ARHGAP20: variants seen among roughly 807,000 people sequenced by gnomAD.
ARHGAP20 encodes the protein rho GTPase-activating protein 20.
In ARHGAP20, 34 loss-of-function variants were observed where a neutral mutation model predicts 73.7. That is an observed-to-expected ratio of 0.46 (90% CI 0.35 to 0.61). The LOEUF (loss-of-function observed/expected upper bound fraction) is 0.61. Among genes scored for constraint, ARHGAP20 ranks in the 20% least tolerant of loss-of-function variants. The probability of loss-of-function intolerance (pLI) is 0.00; values close to 1 mark genes in which losing one functional copy is unlikely to be tolerated. For synonymous variants in ARHGAP20, 523 were observed against 518.2 expected, an observed-to-expected ratio of 1.01 and a Z score of -0.13; for missense variants, 1,314 against 1,420.9, an observed-to-expected ratio of 0.92 and a Z score of 1.21.
Position 110,712,322 on chromosome 11 carries a change from G to T in ARHGAP20, c.-91C>A. ...GCCGGAGGGGCGAGGACGCGCGGGC[G>T]GAGGCGCGGCTGCCGTGCTCAGGCA... is the stretch of plus-strand genomic sequence containing the variant. On this transcript the variant is annotated 5_prime_UTR_variant, in exon 1 of 15. Coordinates refer to ENST00000683387, the MANE Select transcript of ARHGAP20 (RefSeq NM_001384657.1). 2 of 1,110,706 alleles carry T rather than the reference G, an allele frequency of 1.8e-6. No individual in the cohort carries two copies. Among genetic ancestry groups the T allele is most frequent in the Non-Finnish European group, 2.3e-6 (2 of 863,796 alleles). The allele number at this position is 1,110,706 out of a possible 1,614,324, so 68.8% of individuals were successfully genotyped here.
intron 9 of ARHGAP20, among the ~76,000 whole-genome samples, chr11:110,598,694 G>A (rs1177355607): frequency 6.6e-6 from 1 of 152,174 alleles, no homozygotes; most frequent in African/African-American, 2.4e-5. Flanking sequence ...AGTGGCTGCT[G>A]CCATCACACT....
Position 110,592,146 on chromosome 11 carries a change from T to C in ARHGAP20, c.974A>G (p.His325Arg). Residue 325 changes from histidine to arginine, a missense_variant, in exon 10 of 15, where the codon CAT (histidine) becomes CGT (arginine). Physicochemically the swap from His to Arg is conservative, Grantham distance 29. Around this residue, in one of 3 missense-constraint regions of ARHGAP20, gnomAD observed 443 missense variants for 466.4 expected, o/e 0.95. Transcript: ENST00000683387. ...AGATCTTCTCCTTTTAAATGTCTTA[T>C]GACCTGAATCTAAGGAAGAAGTGAG... Reference protein sequence around the residue: ...AAAQQLSDSGHKTFKRRRSII... With the variant: ...AAAQQLSDSGRKTFKRRRSII... The C allele has an allele frequency of 6.2e-7, 1 of 1,612,864 alleles. No homozygotes were observed. The highest frequency in any genetic ancestry group is 1.7e-5 in the Admixed American group (1 of 59,982).
At chr11:110,609,123 T>A in intron 7 of ARHGAP20, 73 bp from the exon 8 acceptor site, 2 of 1,446,472 alleles carry the variant, frequency 1.4e-6, no homozygotes, top group South Asian at 2.4e-5. Flanking sequence ...ACATTTTTTT[T>A]TTTTGGTTAT....
At chr11:110,708,713 T>C (rs1950593676) in intron 1 of ARHGAP20, among the ~76,000 whole-genome samples, 3 of 152,280 alleles carry the variant, frequency 2.0e-5, no homozygotes, top group South Asian at 2.1e-4. Flanking sequence ...AGATTAGTGG[T>C]TGCCTGGGAA....
At chr11:110,677,881 C>A (rs878969770) in intron 2 of ARHGAP20, among the ~76,000 whole-genome samples, 6 of 152,102 alleles carry the variant, frequency 3.9e-5, no homozygotes, top group Non-Finnish European at 8.8e-5. Context: ...CTAGTATATA[C>A]CCAAGAGGAA....
intron 9 of ARHGAP20, among the ~76,000 whole-genome samples, chr11:110,596,625 G>A (rs1435830463): frequency 2.6e-5 from 4 of 152,106 alleles, no homozygotes; most frequent in African/African-American, 9.7e-5. Context: ...GGTGATCATT[G>A]AAAAGTCAGG....
chr11:110,584,844 CAT>C (rs142469054), intron 12 of ARHGAP20, among the ~76,000 whole-genome samples: 6 of 149,102 alleles, frequency 4.0e-5, no homozygotes, highest in African/African-American at 1.2e-4. Context: ...ATTTCTGATT[CAT>C]ATATATATAT....
At chr11:110,610,269 A>G (rs1446619801) in intron 7 of ARHGAP20, among the ~76,000 whole-genome samples, 1 of 151,552 alleles carries the variant, frequency 6.6e-6, no homozygotes, top group African/African-American at 2.4e-5. Flanking sequence ...CGTGAGTTCT[A>G]AAGGGCTTAC....
chr11:110,670,410 A>T lies in ARHGAP20; in HGVS notation c.188+20137T>A, dbSNP rs140347979. On this transcript the variant is annotated intron_variant, in intron 2 of 14. Coordinates refer to ENST00000683387, the MANE Select transcript of ARHGAP20 (RefSeq NM_001384657.1). The stretch of plus-strand genomic sequence containing the variant: ...AAAGAAGGAACATTATAGCTCCTAC[A>T]CACATTAAAAACATAATTAAAATAT... 2.2e-3 allele frequency among the ~76,000 whole-genome samples: 333 copies of T among 152,174 alleles called. 1 individual carries two copies. The highest frequency in any genetic ancestry group is 5.4e-3 in the Admixed American group (82 of 15,290).
chr11:110,689,741 G>A (rs775280878), intron 2 of ARHGAP20, among the ~76,000 whole-genome samples: 39 of 147,616 alleles, frequency 2.6e-4, no homozygotes, highest in Non-Finnish European at 4.9e-4. Flanking sequence ...AGCTGGCACC[G>A]GGGAAAGGCG....
chr11:110,691,605 G>A (rs1179232558), intron 1 of ARHGAP20, among the ~76,000 whole-genome samples: 2 of 152,186 alleles, frequency 1.3e-5, no homozygotes, highest in Admixed American at 6.5e-5. Context: ...GGAATTGCTT[G>A]TAGTTTTTAA....
intron 1 of ARHGAP20, among the ~76,000 whole-genome samples, chr11:110,705,657 TTA>T (rs1950540317): frequency 6.6e-6 from 1 of 152,170 alleles, no homozygotes; most frequent in Non-Finnish European, 1.5e-5. Context: ...TAATCACATT[TTA>T]AGTGAGCATA....
chr11:110,580,572 G>A lies in ARHGAP20; in HGVS notation c.2374C>T (p.Leu792Phe). The A allele has an allele frequency of 6.2e-7, 1 of 1,614,200 alleles. No homozygotes were observed. The highest frequency in any genetic ancestry group is 8.5e-7 in the Non-Finnish European group (1 of 1,180,032). The change falls in exon 15 of 15, where the codon CTT becomes TTT. Residue 792 changes from leucine to phenylalanine, a missense_variant. Around this residue, in one of 3 missense-constraint regions of ARHGAP20, gnomAD observed 641 missense variants for 636.9 expected, o/e 1.01. Transcript: ENST00000683387. ...LSGSEGNHVK[L>F]FPKSKPVAIS... is the part of the protein sequence containing the mutation. ...GCCACTGGCTTAGACTTAGGGAAAAGTTTCACGTGATTTCCTTCACTACCA... is the reference window on the plus strand; with the variant it reads ...GCCACTGGCTTAGACTTAGGGAAAAATTTCACGTGATTTCCTTCACTACCA...
chr11:110,616,028 G>A (rs1948475110), intron 4 of ARHGAP20, among the ~76,000 whole-genome samples: 2 of 151,882 alleles, frequency 1.3e-5, no homozygotes, highest in African/African-American at 2.4e-5. Flanking sequence ...TAGTATTTTC[G>A]TAGCTCACAC....
At chr11:110,615,717 A>G in intron 4 of ARHGAP20, 123 bp from the exon 5 acceptor site, 1 of 802,684 alleles carries the variant, frequency 1.2e-6, no homozygotes, top group Non-Finnish European at 2.0e-6. Context: ...AGTTGCACAC[A>G]TAAGCTGCAA....
At chr11:110,584,652 T>A (rs1947573399) in intron 12 of ARHGAP20, among the ~76,000 whole-genome samples, 2 of 152,162 alleles carry the variant, frequency 1.3e-5, no homozygotes, top group South Asian at 4.1e-4. Flanking sequence ...TATGGGGCCC[T>A]AAGATTTTTC....
At chr11:110,638,338 C>A (rs1010984674) in intron 2 of ARHGAP20, among the ~76,000 whole-genome samples, 1 of 151,888 alleles carries the variant, frequency 6.6e-6, no homozygotes, top group African/African-American at 2.4e-5. Flanking sequence ...ATTAAAAAAA[C>A]TGAAATTCAA....
At chr11:110,612,727 G>A (rs1948397638) in intron 6 of ARHGAP20, among the ~76,000 whole-genome samples, 1 of 152,250 alleles carries the variant, frequency 6.6e-6, no homozygotes, top group Non-Finnish European at 1.5e-5. Flanking sequence ...TCCATTAACA[G>A]AATTTCTTCT....
chr11:110,648,191 A>AC (rs1949248792), intron 2 of ARHGAP20, among the ~76,000 whole-genome samples: 3 of 86,202 alleles, frequency 3.5e-5, no homozygotes, highest in African/African-American at 1.6e-4. Flanking sequence ...ATATATATGT[A>AC]AATATATATA....
Sources: allele counts gnomAD v4.1 joint callset (sites outside exome capture counted in the v4.1 genomes callset), GRCh38; gene constraint gnomAD v4.1.1; regional missense constraint gnomAD v4.1.1; transcripts MANE v1.5; gene names NCBI Gene and HGNC (gene_info 2026-07-23, HGNC 2026-07-21).